The following RALYL variants were observed in gnomAD, a reference collection of about 807,000 sequenced individuals.
RALYL encodes RALY RNA binding protein like.
In RALYL, 29 loss-of-function variants were observed where a neutral mutation model predicts 35.1. The observed-to-expected ratio is 0.83, with a 90% CI of 0.61 to 1.13. RALYL has a LOEUF of 1.13. Among genes scored for constraint, RALYL ranks in the 50% most tolerant of loss-of-function variants. RALYL has a pLI of 0.00. For synonymous variants in RALYL, 120 were observed against 127.6 expected (o/e 0.94, Z 0.40); for missense variants, 359 against 360.4 (o/e 1.00, Z 0.03).
chr8:84,343,707 G>A (rs1849290155), intron 1 of RALYL, among the ~76,000 whole-genome samples: 1 of 151,616 alleles, frequency 6.6e-6, no homozygotes, highest in Non-Finnish European at 1.5e-5. Context: ...ATGGCTCACT[G>A]CAACCTCAAC....
chr8:84,581,185 C>T (rs1023932913), intron 2 of RALYL, among the ~76,000 whole-genome samples: 11 of 152,128 alleles, frequency 7.2e-5, no homozygotes, highest in African/African-American at 2.4e-5. Flanking sequence ...AGCATCATTT[C>T]GATTTCCTTC....
chr8:84,783,382 C>T (rs944646128), intron 3 of RALYL, among the ~76,000 whole-genome samples: 5 of 152,166 alleles, frequency 3.3e-5, no homozygotes, highest in African/African-American at 9.6e-5. Flanking sequence ...GACTGAAGAC[C>T]GAAAGAGATC....
At chr8:84,599,902 G>A (rs1815499650) in intron 2 of RALYL, among the ~76,000 whole-genome samples, 1 of 149,502 alleles carries the variant, frequency 6.7e-6, no homozygotes, top group South Asian at 2.1e-4. Flanking sequence ...TTGTTCAGGG[G>A]TTAGCAGGAG....
chr8:84,900,089 T>C (rs1845410715), intron 8 of RALYL, among the ~76,000 whole-genome samples: 1 of 152,168 alleles, frequency 6.6e-6, no homozygotes. Flanking sequence ...CAGCCTCTCA[T>C]GATGTTAAAA....
intron 2 of RALYL, among the ~76,000 whole-genome samples, chr8:84,714,314 A>T (rs1053556044): frequency 1.3e-5 from 2 of 151,826 alleles, no homozygotes; most frequent in Non-Finnish European, 2.9e-5. Context: ...TATAAAAGCA[A>T]TACGTTCAGG....
At chr8:84,304,588 C>T (rs1193248291) in intron 1 of RALYL, among the ~76,000 whole-genome samples, 1 of 150,646 alleles carries the variant, frequency 6.6e-6, no homozygotes, top group Non-Finnish European at 1.5e-5. Context: ...AAAATAAACT[C>T]TCATAAAGTT....
At chr8:84,435,988 T>C (rs758415958) in intron 1 of RALYL, among the ~76,000 whole-genome samples, 2 of 152,052 alleles carry the variant, frequency 1.3e-5, no homozygotes, top group Non-Finnish European at 2.9e-5. Context: ...TCACATAGGG[T>C]ACAGTGTATA....
intron 1 of RALYL, among the ~76,000 whole-genome samples, chr8:84,443,445 A>G (rs1355397664): frequency 6.6e-6 from 1 of 152,148 alleles, no homozygotes; most frequent in East Asian, 1.9e-4. Flanking sequence ...ATGTCCATCT[A>G]ATTTATCAGC....
intron 1 of RALYL, among the ~76,000 whole-genome samples, chr8:84,502,177 A>T (rs1194561632): frequency 6.6e-6 from 1 of 152,026 alleles, no homozygotes; most frequent in East Asian, 1.9e-4. Flanking sequence ...GTTTACACAG[A>T]TACATATATG....
chr8:84,257,415 T>G (rs1312223792), intron 1 of RALYL, among the ~76,000 whole-genome samples: 1 of 152,246 alleles, frequency 6.6e-6, no homozygotes, highest in Middle Eastern at 3.4e-3. Flanking sequence ...CCACTGGCTA[T>G]GCCTGGAGTT....
At chr8:84,761,674 T>C (rs1259248489) in intron 2 of RALYL, among the ~76,000 whole-genome samples, 1 of 152,168 alleles carries the variant, frequency 6.6e-6, no homozygotes, top group Non-Finnish European at 1.5e-5. Flanking sequence ...CACTCATTAA[T>C]TCATTGATTA....
chr8:84,345,783 C>T (rs148595067), intron 1 of RALYL, among the ~76,000 whole-genome samples: 58 of 152,114 alleles, frequency 3.8e-4, no homozygotes, highest in Middle Eastern at 3.4e-3. Flanking sequence ...TATGAGTGAA[C>T]GAGAAAGACT....
chr8:84,874,444 C>T (rs1282380917), intron 7 of RALYL, among the ~76,000 whole-genome samples: 2 of 152,098 alleles, frequency 1.3e-5, no homozygotes, highest in Non-Finnish European at 2.9e-5. Context: ...GAATTTAGTG[C>T]CCTTTCCCAT....
Position 84,468,666 on chromosome 8 carries a change from A to G in RALYL, c.-23-60633A>G, listed in dbSNP as rs1406838252. The stretch of plus-strand genomic sequence containing the variant: ...GGAGTATCTTTGTGGCGTTCTCTGT[A>G]TTTCCTGAATCTGAACGTTGGCCTG... On this transcript the variant is annotated intron_variant, in intron 1 of 8. Transcript: ENST00000521268. Among the ~76,000 whole-genome samples the G allele has an allele frequency of 6.1e-5, 9 of 148,290 alleles. No individual in the cohort carries two copies. The South Asian group carries it at 2.0e-3, about 33-fold the overall frequency.
At chr8:84,561,502 A>G (rs1399559457) in intron 2 of RALYL, among the ~76,000 whole-genome samples, 1 of 150,662 alleles carries the variant, frequency 6.6e-6, no homozygotes, top group Non-Finnish European at 1.5e-5. Flanking sequence ...TATGCATACT[A>G]TGTTTTTTCC....
chr8:84,772,964 T>C (rs1815918471), intron 2 of RALYL, among the ~76,000 whole-genome samples: 1 of 152,214 alleles, frequency 6.6e-6, no homozygotes. Flanking sequence ...ATGTTTAATA[T>C]AGATTTTTGT....
At chr8:84,367,433 G>A (rs1854701110) in intron 1 of RALYL, among the ~76,000 whole-genome samples, 1 of 131,826 alleles carries the variant, frequency 7.6e-6, no homozygotes, top group South Asian at 2.6e-4. Flanking sequence ...CAAGTGATCT[G>A]CCTGCCTTAG....
rs1394064199 is a variant in RALYL, at chr8:84,766,734, A to AC, written c.257-7845_257-7844insC. Among the ~76,000 whole-genome samples, 691 of 147,534 alleles carry AC rather than the reference A, an allele frequency of 4.7e-3. 14 individuals are homozygous for AC. The highest frequency in any genetic ancestry group is 0.016 in the African/African-American group (652 of 40,136). ...TGAGACTGTCTCAAAAAAAAAAAAAAAAAAAAAAAAAAAACTCCCAAAACA... is the reference window on the plus strand; with the variant it reads ...TGAGACTGTCTCAAAAAAAAAAAAAACAAAAAAAAAAAAAACTCCCAAAACA... On this transcript the variant is annotated intron_variant, in intron 2 of 8. Coordinates refer to ENST00000521268, the MANE Select transcript of RALYL (RefSeq NM_173848.7).
At chr8:84,281,724 T>G (rs1291913546) in intron 1 of RALYL, among the ~76,000 whole-genome samples, 2 of 146,398 alleles carry the variant, frequency 1.4e-5, no homozygotes, top group African/African-American at 4.9e-5. Flanking sequence ...TGTGCACGCA[T>G]GTATATATGT....
Sources: gnomAD v4.1 joint callset for allele counts (sites outside exome capture counted in the v4.1 genomes callset) on GRCh38, gnomAD v4.1.1 for gene constraint, MANE v1.5 for transcripts, NCBI Gene and HGNC (gene_info 2026-07-23, HGNC 2026-07-21) for gene names.